Variants in RNF24 observed in about 807,000 individuals in gnomAD.
The protein encoded by RNF24 is ring finger protein 24.
RNF24 carries 14 observed loss-of-function variants against 20.0 expected under a neutral mutation model. The ratio of observed to expected loss-of-function variants is 0.70; its 90% CI spans 0.46 to 1.10. The LOEUF (loss-of-function observed/expected upper bound fraction) is 1.10. RNF24 is among the 50% of genes least tolerant of loss of function. The pLI is 0.00. For synonymous variants in RNF24, 45 were observed against 61.1 expected, an observed-to-expected ratio of 0.74 and a Z score of 1.23; for missense variants, 124 against 177.6, an observed-to-expected ratio of 0.70 and a Z score of 1.71.
At chr20:3,944,736 G>A (rs1600635053) in intron 4 of RNF24, among the ~76,000 whole-genome samples, 1 of 152,198 alleles carries the variant, frequency 6.6e-6, no homozygotes, top group East Asian at 1.9e-4. Flanking sequence ...GATTCATATC[G>A]CTACCTGTGT....
intron 1 of RNF24, among the ~76,000 whole-genome samples, chr20:3,976,983 T>C (rs145199166): frequency 6.6e-6 from 1 of 152,302 alleles, no homozygotes; most frequent in Non-Finnish European, 1.5e-5. Flanking sequence ...CATGTGAGTC[T>C]ATAATTAAAA....
At chr20:3,943,741 T>G (rs1338132945) in intron 4 of RNF24, among the ~76,000 whole-genome samples, 2 of 152,140 alleles carry the variant, frequency 1.3e-5, no homozygotes, top group East Asian at 3.9e-4. Flanking sequence ...CAGGACAAAG[T>G]TTCTAAACTA....
At chr20:3,981,814 C>G (rs536206354) in intron 1 of RNF24, among the ~76,000 whole-genome samples, 1 of 152,104 alleles carries the variant, frequency 6.6e-6, no homozygotes, top group African/African-American at 2.4e-5. Context: ...TTCAGCTAAA[C>G]CAGTCTTTAA....
chr20:3,996,132 A>G (rs1446799454), intron 1 of RNF24, among the ~76,000 whole-genome samples: 2 of 152,172 alleles, frequency 1.3e-5, no homozygotes, highest in African/African-American at 4.8e-5. Context: ...CAGTAAGGTC[A>G]CAGTACGTCA....
chr20:3,969,327 C>G (rs933665370), intron 1 of RNF24, among the ~76,000 whole-genome samples: 12 of 152,088 alleles, frequency 7.9e-5, no homozygotes, highest in African/African-American at 2.7e-4. Flanking sequence ...CCCTATTTAT[C>G]CAGCTAAATA....
rs1172198682 is a variant in RNF24 at position 3,930,601 on chromosome 20, ACT to A, written c.*3460_*3461del. On this transcript the variant is annotated 3_prime_UTR_variant, in exon 6 of 6. Coordinates refer to ENST00000358395, the MANE Select transcript of RNF24 (RefSeq NM_001134337.3). ...GTGAGTGACAAGAGGTGATTCCATCACTCTCTGCCTGGAGCTCTGGGTATACT... is the reference window on the plus strand; with the variant it reads ...GTGAGTGACAAGAGGTGATTCCATCACTCTGCCTGGAGCTCTGGGTATACT... The A allele has an allele frequency of 1.3e-5, 2 of 151,984 alleles. No homozygotes were observed. The highest frequency in any genetic ancestry group is 4.8e-5 in the African/African-American group (2 of 41,364). 9.4% of individuals were successfully genotyped at this position (151,984 alleles called of 1,614,324 possible).
At chr20:3,991,426 G>C (rs569980348) in intron 1 of RNF24, among the ~76,000 whole-genome samples, 67 of 151,720 alleles carry the variant, frequency 4.4e-4, no homozygotes, top group African/African-American at 1.4e-3. Context: ...CTAATTTTTT[G>C]TATTTTTAGT....
At chr20:3,935,223 G>T in intron 4 of RNF24, 150 bp from the exon 5 acceptor site, 1 of 593,044 alleles carries the variant, frequency 1.7e-6, no homozygotes, top group Non-Finnish European at 3.0e-6. Context: ...ATAAATGACT[G>T]AAAAGAAACA....
At chr20:3,938,433 G>A (rs978362189) in intron 4 of RNF24, among the ~76,000 whole-genome samples, 7 of 152,088 alleles carry the variant, frequency 4.6e-5, no homozygotes, top group African/African-American at 1.4e-4. Context: ...AAAGACACAC[G>A]CAGCCTAAGC....
chr20:3,964,082 A>G lies in RNF24; in HGVS notation c.-7-58T>C. Reference sequence around the variant, plus strand: ...GGTAAAGACTAAGAACCAAGACAGCATTATCATTGTGCACGTATAGAGGCA... The same window carrying G: ...GGTAAAGACTAAGAACCAAGACAGCGTTATCATTGTGCACGTATAGAGGCA... On this transcript the variant is annotated intron_variant, in intron 1 of 5. Transcript: ENST00000358395. The G allele has an allele frequency of 2.0e-6, 3 of 1,502,790 alleles. No homozygotes were observed. In the South Asian group the frequency reaches 3.5e-5, roughly 18 times the overall value. 93.1% of individuals were successfully genotyped at this position (1,502,790 alleles called of 1,614,324 possible).
At chr20:3,993,101 C>A (rs557483826) in intron 1 of RNF24, among the ~76,000 whole-genome samples, 5 of 152,096 alleles carry the variant, frequency 3.3e-5, no homozygotes, top group African/African-American at 1.2e-4. Context: ...GGATATTAAT[C>A]AAAATGAACA....
At chr20:3,940,081 C>A (rs1464750343) in intron 4 of RNF24, among the ~76,000 whole-genome samples, 1 of 152,024 alleles carries the variant, frequency 6.6e-6, no homozygotes, top group Admixed American at 6.6e-5. Flanking sequence ...GCCTCAGCCT[C>A]CTGAGTAGCT....
At chr20:3,950,726 A>G (rs956475560) in intron 2 of RNF24, among the ~76,000 whole-genome samples, 1 of 152,222 alleles carries the variant, frequency 6.6e-6, no homozygotes, top group African/African-American at 2.4e-5. Context: ...ACATTTATAT[A>G]ACCATAGTTG....
At chr20:3,956,609 G>A (rs973087743) in intron 2 of RNF24, among the ~76,000 whole-genome samples, 7 of 151,504 alleles carry the variant, frequency 4.6e-5, no homozygotes, top group East Asian at 1.9e-4. Flanking sequence ...CATTGATATC[G>A]TGCTTAGCTT....
At chr20:3,939,982 G>A (rs2090935964) in intron 4 of RNF24, among the ~76,000 whole-genome samples, 1 of 151,630 alleles carries the variant, frequency 6.6e-6, no homozygotes, top group Non-Finnish European at 1.5e-5. Flanking sequence ...TTTTGAGGTG[G>A]AGTTTCGCTT....
At chr20:3,972,648 C>A (rs1369572115) in intron 1 of RNF24, among the ~76,000 whole-genome samples, 1 of 152,140 alleles carries the variant, frequency 6.6e-6, no homozygotes, top group Non-Finnish European at 1.5e-5. Context: ...CGCTTATAAT[C>A]CCAGCACTGT....
chr20:3,983,940 C>CAAAA (rs56680870), intron 1 of RNF24, among the ~76,000 whole-genome samples: 22 of 65,674 alleles, frequency 3.3e-4, no homozygotes, highest in African/African-American at 1.3e-3. Flanking sequence ...GACTTGGTCT[C>CAAAA]AAAAAAAAAA....
chr20:3,974,491 C>A lies in RNF24; in HGVS notation c.-7-10467G>T, dbSNP rs536484609. 17 of 1,222,028 alleles carry A rather than the reference C, an allele frequency of 1.4e-5. No individual in the cohort carries two copies. In the African/African-American group the frequency reaches 2.5e-4, roughly 18 times the overall value. The allele number at this position is 1,222,028 out of a possible 1,614,324, so 75.7% of individuals were successfully genotyped here. On this transcript the variant is annotated intron_variant, in intron 1 of 5. Transcript: ENST00000358395. ...CTGAGCCTATTTGCCACATCAACAT[C>A]TACAACAACAAAATCCCAAAGAATC...
intron 1 of RNF24, among the ~76,000 whole-genome samples, chr20:4,003,056 G>C (rs1981544411): frequency 6.6e-6 from 1 of 152,178 alleles, no homozygotes; most frequent in South Asian, 2.1e-4. Context: ...TGCAACCTCT[G>C]CCGCCCGGGT....
Sources: gnomAD v4.1 joint callset for allele counts (sites outside exome capture counted in the v4.1 genomes callset) on GRCh38, gnomAD v4.1.1 for gene constraint, MANE v1.5 for transcripts, NCBI Gene and HGNC (gene_info 2026-07-23, HGNC 2026-07-21) for gene names.